POLR2J: variants seen among roughly 807,000 people sequenced by gnomAD.
POLR2J encodes RNA polymerase II subunit J.
A neutral mutation model predicts 13.4 loss-of-function variants in POLR2J; 12 were observed. The ratio of observed to expected loss-of-function variants is 0.90; its 90% CI spans 0.57 to 1.45. POLR2J has a LOEUF of 1.45. Among genes scored for constraint, POLR2J ranks in the 40% most tolerant of loss-of-function variants. POLR2J has a pLI of 0.00. For missense variants in POLR2J, 58 were observed against 132.0 expected (o/e 0.44, Z 2.75); for synonymous variants, 31 against 53.6 (o/e 0.58, Z 1.84).
At chr7:102,473,852 G>A (rs1586748250) in intron 3 of POLR2J, 168 bp from the exon 4 acceptor site, 1 of 1,448,576 alleles carries the variant, frequency 6.9e-7, no homozygotes, top group East Asian at 2.5e-5. Context: ...GCCCAATCCA[G>A]CCATTCTCTA....
chr7:102,473,905 T>G (rs1798327105), intron 3 of POLR2J: 1 of 1,436,256 alleles, frequency 7.0e-7, no homozygotes, highest in Non-Finnish European at 9.1e-7. Context: ...GGCTTCCTGG[T>G]GAGCAGACGA....
chr7:102,473,603 C>T lies in POLR2J; in HGVS notation c.*46G>A, dbSNP rs138572994. On this transcript the variant is annotated 3_prime_UTR_variant, in exon 4 of 4. Coordinates refer to ENST00000292614, the MANE Select transcript of POLR2J (RefSeq NM_006234.6). ...GGTACCTGGAGCGGAGGGTCAGGCA[C>T]AGGTAGGAACGGGGCTCACAGGCCG... 3.2e-4 allele frequency: 513 copies of T among 1,600,116 alleles called. 1 individual carries two copies. In the South Asian group the frequency reaches 5.3e-3, roughly 16 times the overall value.
chr7:102,475,791 G>A (rs1348933682), intron 2 of POLR2J, among the ~76,000 whole-genome samples: 5 of 150,738 alleles, frequency 3.3e-5, no homozygotes, highest in African/African-American at 4.9e-5. Context: ...GCATCGTGGC[G>A]TGGGCCTGTA....
intron 3 of POLR2J, 81 bp from the exon 4 acceptor site, chr7:102,473,765 CG>C (rs1586748113): frequency 1.0e-5 from 16 of 1,583,306 alleles, no homozygotes; most frequent in Non-Finnish European, 8.6e-6. Flanking sequence ...GCATCCCCCC[CG>C]CCAGGCCCTT....
rs774764865 is a variant in POLR2J, at chr7:102,478,867, G to T, written c.-7C>A. 6.2e-7 allele frequency: 1 copy of T among 1,610,540 alleles called. No homozygotes were observed. Among genetic ancestry groups the T allele is most frequent in the Non-Finnish European group, 8.5e-7 (1 of 1,179,676 alleles). On this transcript the variant is annotated 5_prime_UTR_variant, in exon 1 of 4. Coordinates refer to ENST00000292614, the MANE Select transcript of POLR2J (RefSeq NM_006234.6). ...AGGCTGGAGGGGCGTTCATGCTCCC[G>T]CCGCCGTTGCGTCCAGACCCCAAGG...
intron 1 of POLR2J, among the ~76,000 whole-genome samples, chr7:102,476,539 C>T (rs1428847958): frequency 8.1e-5 from 12 of 148,072 alleles, no homozygotes; most frequent in Non-Finnish European, 1.3e-4. Context: ...ACTTGGGAGA[C>T]TGAGGCAGGA....
In POLR2J at chr7:102,473,441, C is replaced by T. The variant is rs1026118489; in HGVS notation, c.*208G>A. ...ATTTGCTTGCGAAGTCACCGCTGCT[C>T]AAGTCCACATCCAGGTCTCTCCCGC... On this transcript the variant is annotated 3_prime_UTR_variant, in exon 4 of 4. Transcript: ENST00000292614. 2.8e-6 allele frequency: 2 copies of T among 719,310 alleles called. No homozygotes were observed. Among genetic ancestry groups the T allele is most frequent in the African/African-American group, 3.6e-5 (2 of 55,392 alleles). The allele number at this position is 719,310 out of a possible 1,614,324, so 44.6% of individuals were successfully genotyped here.
rs752896421 is a variant in POLR2J at position 102,478,799 on chromosome 7, G to A, written c.53+9C>T. On this transcript the variant is annotated intron_variant, in intron 1 of 3. Transcript: ENST00000292614. ...CGCACCTCGGCCCGCCGCAGCCGGC[G>A]TCACTTACTTCTTCTCGCCCTCGAA... The A allele has an allele frequency of 1.8e-5, 29 of 1,610,372 alleles. No homozygotes were observed. The highest frequency in any genetic ancestry group is 2.1e-5 in the Non-Finnish European group (25 of 1,179,456).
At chr7:102,473,766 G>A (rs970939188) in intron 3 of POLR2J, 82 bp from the exon 4 acceptor site, 17 of 1,582,796 alleles carry the variant, frequency 1.1e-5, no homozygotes, top group Middle Eastern at 1.9e-4. Flanking sequence ...CATCCCCCCC[G>A]CCAGGCCCTT....
Position 102,478,921 on chromosome 7 carries a change from A to T in POLR2J, c.-61T>A. 1.2e-6 allele frequency: 2 copies of T among 1,604,684 alleles called. No individual in the cohort carries two copies. Among genetic ancestry groups the T allele is most frequent in the Non-Finnish European group, 1.7e-6 (2 of 1,177,534 alleles). The stretch of plus-strand genomic sequence containing the variant: ...CGCCGCCGCCGCCACCAGAGCCCTA[A>T]TAAGAGGCCTCTTCCGGATTACTCC... On this transcript the variant is annotated 5_prime_UTR_variant, in exon 1 of 4. Transcript: ENST00000292614.
chr7:102,474,033 C>G, intron 3 of POLR2J: 1 of 1,443,170 alleles, frequency 6.9e-7, no homozygotes, highest in Non-Finnish European at 9.1e-7. Flanking sequence ...TCCCAGAGAC[C>G]TGGAAGGACC....
chr7:102,474,085 C>G (rs1798334974), intron 3 of POLR2J: 2 of 1,462,866 alleles, frequency 1.4e-6, no homozygotes, highest in South Asian at 1.4e-5. Flanking sequence ...AAGAGCACCC[C>G]CAAAGGACAG....
intron 2 of POLR2J, among the ~76,000 whole-genome samples, chr7:102,474,857 ACCCAAAAAGCC>A (rs928437778): frequency 9.5e-5 from 14 of 147,532 alleles, no homozygotes; most frequent in African/African-American, 3.5e-4. Flanking sequence ...AGTGACTCAG[ACCCAAAAAGCC>A]CACAAAGAGC....
chr7:102,473,734 G>A, intron 3 of POLR2J, 50 bp from the exon 4 acceptor site: 1 of 1,611,980 alleles, frequency 6.2e-7, no homozygotes, highest in Non-Finnish European at 8.5e-7. Flanking sequence ...CTGGGGCAAG[G>A]ACGCTGGAAA....
intron 2 of POLR2J, among the ~76,000 whole-genome samples, chr7:102,475,552 A>G (rs1042509549): frequency 1.3e-5 from 2 of 152,300 alleles, no homozygotes; most frequent in East Asian, 1.9e-4. Context: ...CTGCTTTTCA[A>G]TGCCCCTCAG....
At position 102,476,574 on chromosome 7, in the gene POLR2J, A is replaced by G. The variant is rs1364072082; in HGVS notation, c.54-304T>C. Among the ~76,000 whole-genome samples, 3 of 141,730 alleles carry G rather than the reference A, an allele frequency of 2.1e-5. No homozygotes were observed. The East Asian group carries it at 6.4e-4, about 30-fold the overall frequency. 93.0% of individuals were successfully genotyped at this position (141,730 alleles called of 152,430 possible). On this transcript the variant is annotated intron_variant, in intron 1 of 3. Transcript: ENST00000292614. ...AGAATCACTTGAACCTGGGAGGTGG[A>G]GTTGCAGTGAGCCGAGATCATGCCA...
At chr7:102,478,692 C>G (rs1798496322) in intron 1 of POLR2J, 116 bp downstream of exon 1, 2 of 1,510,738 alleles carry the variant, frequency 1.3e-6, no homozygotes, top group East Asian at 2.4e-5. Context: ...ACAGGCCGAG[C>G]AGACGATCAA....
rs190239304 is a variant in POLR2J, at chr7:102,473,633, G to C, written c.*16C>G. 1.1e-5 allele frequency: 18 copies of C among 1,597,878 alleles called. No individual in the cohort carries two copies. In the East Asian group the frequency reaches 3.5e-4, roughly 31 times the overall value. On this transcript the variant is annotated 3_prime_UTR_variant, in exon 4 of 4. Transcript: ENST00000292614. ...AGGAACGGGGCTCACAGGCCGAGCA[G>C]AGCCCCCTCTGGCCCCTACTCAATT...
chr7:102,475,357 G>A, intron 2 of POLR2J, among the ~76,000 whole-genome samples: 1 of 152,216 alleles, frequency 6.6e-6, no homozygotes, highest in Non-Finnish European at 1.5e-5. Flanking sequence ...ACCTGGCTAG[G>A]ACCTCACTGG....
Sources: allele counts gnomAD v4.1 joint callset (sites outside exome capture counted in the v4.1 genomes callset), GRCh38; gene constraint gnomAD v4.1.1; transcripts MANE v1.5; gene names NCBI Gene and HGNC (gene_info 2026-07-23, HGNC 2026-07-21).